CPPED1: variants seen among roughly 807,000 people sequenced by gnomAD.
The protein encoded by CPPED1 is calcineurin like phosphoesterase domain containing 1.
CPPED1 carries 28 observed loss-of-function variants against 28.0 expected under a neutral mutation model. The observed-to-expected ratio is 1.00, with a 90% CI of 0.74 to 1.37. The LOEUF (loss-of-function observed/expected upper bound fraction) is 1.37, where lower values mean the gene tolerates loss of function less well. CPPED1 is among the 40% of genes most tolerant of loss of function. The probability of loss-of-function intolerance (pLI) is 0.00; values close to 1 mark genes in which losing one functional copy is unlikely to be tolerated. For synonymous variants in CPPED1, 198 were observed against 180.2 expected, an observed-to-expected ratio of 1.10 and a Z score of -0.79; for missense variants, 504 against 416.5, an observed-to-expected ratio of 1.21 and a Z score of -1.83.
chr16:12,763,065 T>C (rs1224614746), intron 2 of CPPED1, among the ~76,000 whole-genome samples: 1 of 151,746 alleles, frequency 6.6e-6, no homozygotes, highest in Non-Finnish European at 1.5e-5. Flanking sequence ...CCCATCTCTA[T>C]TCTAAAAAAT....
intron 3 of CPPED1, among the ~76,000 whole-genome samples, chr16:12,702,399 A>G (rs2080025250): frequency 6.6e-6 from 1 of 152,124 alleles, no homozygotes; most frequent in Admixed American, 6.6e-5. Context: ...TTAGCTGGGC[A>G]TGGTGGTGTG....
intron 2 of CPPED1, among the ~76,000 whole-genome samples, chr16:12,770,631 T>C (rs1312454083): frequency 6.6e-6 from 1 of 152,068 alleles, no homozygotes; most frequent in African/African-American, 2.4e-5. Context: ...GAGACCAGCC[T>C]GGCCAACATA....
intron 2 of CPPED1, among the ~76,000 whole-genome samples, chr16:12,730,709 G>A (rs1307702448): frequency 6.6e-6 from 1 of 152,184 alleles, no homozygotes; most frequent in Non-Finnish European, 1.5e-5. Context: ...AATACCGCAT[G>A]ATTTCATTTT....
chr16:12,745,325 T>C (rs748295090), intron 2 of CPPED1, among the ~76,000 whole-genome samples: 7 of 152,162 alleles, frequency 4.6e-5, no homozygotes, highest in African/African-American at 1.7e-4. Flanking sequence ...ACCAGGTACA[T>C]ACCCAGAGGA....
intron 2 of CPPED1, among the ~76,000 whole-genome samples, chr16:12,764,755 G>C (rs2080429672): frequency 6.6e-6 from 1 of 152,210 alleles, no homozygotes; most frequent in Non-Finnish European, 1.5e-5. Flanking sequence ...CACAGGCTCA[G>C]AGCCACCATT....
intron 3 of CPPED1, among the ~76,000 whole-genome samples, chr16:12,699,924 A>G (rs984430650): frequency 1.3e-5 from 2 of 152,156 alleles, no homozygotes; most frequent in Admixed American, 1.3e-4. Context: ...ATGAGTTCCA[A>G]TTATGTTGTT....
intron 3 of CPPED1, among the ~76,000 whole-genome samples, chr16:12,702,531 C>CTCAATCAA (rs372602706): frequency 6.7e-6 from 1 of 149,046 alleles, no homozygotes; most frequent in South Asian, 2.1e-4. Flanking sequence ...AAGCAAGACT[C>CTCAATCAA]TCAATCAATC....
intron 1 of CPPED1, among the ~76,000 whole-genome samples, chr16:12,784,817 T>A (rs1002923601): frequency 3.3e-5 from 5 of 152,214 alleles, no homozygotes; most frequent in Non-Finnish European, 7.3e-5. Flanking sequence ...TTTTAACAAA[T>A]CGTTTCCTAT....
intron 2 of CPPED1, among the ~76,000 whole-genome samples, chr16:12,754,812 G>A (rs763271603): frequency 9.9e-5 from 15 of 152,066 alleles, no homozygotes; most frequent in Non-Finnish European, 1.8e-4. Context: ...CAGCCTGGGC[G>A]ACACAGTGAG....
At chr16:12,748,327 A>C (rs1051626069) in intron 2 of CPPED1, among the ~76,000 whole-genome samples, 4 of 152,250 alleles carry the variant, frequency 2.6e-5, no homozygotes, top group African/African-American at 9.6e-5. Context: ...ATATGAATAC[A>C]GAAGGCTTTC....
intron 3 of CPPED1, among the ~76,000 whole-genome samples, chr16:12,665,533 T>C (rs569571486): frequency 5.2e-4 from 79 of 152,322 alleles, no homozygotes; most frequent in Non-Finnish European, 9.0e-4. Flanking sequence ...GGCTCATGCC[T>C]GTAATCCCAG....
At chr16:12,696,438 CTTTTTTTT>C (rs1180336228) in intron 3 of CPPED1, among the ~76,000 whole-genome samples, 99 of 120,724 alleles carry the variant, frequency 8.2e-4, no homozygotes, top group Non-Finnish European at 1.4e-3. Context: ...AAGTGACTTT[CTTTTTTTT>C]TTTTTTTTTT....
In CPPED1 at chr16:12,687,976, T is replaced by C. The variant is rs568515074; in HGVS notation, c.715+16648A>G. Among the ~76,000 whole-genome samples the C allele has an allele frequency of 6.7e-5, 10 of 149,858 alleles. No homozygotes were observed. In the East Asian group the frequency reaches 2.0e-3, roughly 29 times the overall value. ...GGAGGGAAGGAAGAAGAAGGAGGAATGGAATGTCACTAACATGAAAGTCAC... is the reference window on the plus strand; with the variant it reads ...GGAGGGAAGGAAGAAGAAGGAGGAACGGAATGTCACTAACATGAAAGTCAC... On this transcript the variant is annotated intron_variant, in intron 3 of 3. Coordinates refer to ENST00000381774, the MANE Select transcript of CPPED1 (RefSeq NM_018340.3).
intron 3 of CPPED1, among the ~76,000 whole-genome samples, chr16:12,665,924 C>G (rs11859562): frequency 0.098 from 14,826 of 151,864 alleles, 1,667 homozygotes; most frequent in African/African-American, 0.27. Context: ...GACTCTGTCT[C>G]AAAAATAAAC....
chr16:12,743,744 C>T (rs2080268300), intron 2 of CPPED1, among the ~76,000 whole-genome samples: 1 of 152,196 alleles, frequency 6.6e-6, no homozygotes, highest in African/African-American at 2.4e-5. Flanking sequence ...TGGCTCACAC[C>T]TGTAATTCCA....
At chr16:12,706,182 A>T (rs1275049876) in intron 2 of CPPED1, among the ~76,000 whole-genome samples, 1 of 152,120 alleles carries the variant, frequency 6.6e-6, no homozygotes, top group Non-Finnish European at 1.5e-5. Context: ...TAATAATATA[A>T]GGCACAGAGG....
chr16:12,757,938 T>A (rs1286760246), intron 2 of CPPED1: 1 of 151,774 alleles, frequency 6.6e-6, no homozygotes, highest in African/African-American at 2.4e-5. Flanking sequence ...AACACATTAT[T>A]GAGGCAAATC....
chr16:12,767,405 C>A (rs556371513), intron 2 of CPPED1, among the ~76,000 whole-genome samples: 5 of 152,152 alleles, frequency 3.3e-5, no homozygotes, highest in Admixed American at 6.5e-5. Context: ...GTCACCCTCA[C>A]GAACACACCC....
At chr16:12,735,690 G>A (rs11075149) in intron 2 of CPPED1, among the ~76,000 whole-genome samples, 120,161 of 152,240 alleles carry the variant, frequency 0.79, 47,511 homozygotes, top group Admixed American at 0.85. Flanking sequence ...CAGTAAGTTC[G>A]TCTCTGCAAA....
Sources: allele counts gnomAD v4.1 joint callset (sites outside exome capture counted in the v4.1 genomes callset), GRCh38; gene constraint gnomAD v4.1.1; transcripts MANE v1.5; gene names NCBI Gene and HGNC (gene_info 2026-07-23, HGNC 2026-07-21).